Variants in RSU1 observed in about 807,000 individuals in gnomAD.
The protein encoded by RSU1 is rsu-1.
Under a neutral mutation model 31.1 loss-of-function variants are expected in RSU1, and 26 were observed. The observed-to-expected ratio is 0.84, with a 90% CI of 0.61 to 1.16. The LOEUF (loss-of-function observed/expected upper bound fraction) is 1.16, where lower values mean the gene tolerates loss of function less well. Among genes scored for constraint, RSU1 ranks in the 50% most tolerant of loss-of-function variants. RSU1 has a pLI of 0.00. For missense variants in RSU1, 320 were observed against 339.1 expected, an observed-to-expected ratio of 0.94 and a Z score of 0.44; for synonymous variants, 164 against 136.3, an observed-to-expected ratio of 1.20 and a Z score of -1.41.
intron 8 of RSU1, among the ~76,000 whole-genome samples, chr10:16,688,897 AC>A (rs1835489823): frequency 6.6e-6 from 1 of 151,986 alleles, no homozygotes; most frequent in Non-Finnish European, 1.5e-5. Flanking sequence ...AGTCCCAGGT[AC>A]TAGGGAAGCT....
At chr10:16,766,901 T>G (rs752445763) in intron 3 of RSU1, among the ~76,000 whole-genome samples, 3 of 151,312 alleles carry the variant, frequency 2.0e-5, no homozygotes, top group Middle Eastern at 3.4e-3. Context: ...GGCGCATGCC[T>G]GTAGTTCCAG....
At chr10:16,752,369 C>T (rs1836996062) in intron 7 of RSU1, 170 bp downstream of exon 7, 3 of 559,336 alleles carry the variant, frequency 5.4e-6, no homozygotes, top group South Asian at 2.0e-5. Context: ...GAAGGTCAAA[C>T]CTGTAACAGC....
intron 7 of RSU1, among the ~76,000 whole-genome samples, chr10:16,748,776 CCTTT>C (rs1836912041): frequency 6.6e-6 from 1 of 152,088 alleles, no homozygotes; most frequent in African/African-American, 2.4e-5. Flanking sequence ...CTCCCTCCTT[CCTTT>C]AAGTCTCTGC....
At chr10:16,697,201 C>T (rs781136540) in intron 7 of RSU1, among the ~76,000 whole-genome samples, 10 of 152,190 alleles carry the variant, frequency 6.6e-5, no homozygotes, top group African/African-American at 9.7e-5. Context: ...CCCTCATCAG[C>T]TGGGAATGGT....
At chr10:16,660,964 A>T (rs1834878555) in intron 8 of RSU1, among the ~76,000 whole-genome samples, 1 of 151,986 alleles carries the variant, frequency 6.6e-6, no homozygotes, top group Non-Finnish European at 1.5e-5. Flanking sequence ...CTCTCTCTTC[A>T]TTTATGTGTA....
At chr10:16,640,605 G>C (rs1834424441) in intron 8 of RSU1, among the ~76,000 whole-genome samples, 1 of 152,220 alleles carries the variant, frequency 6.6e-6, no homozygotes, top group Non-Finnish European at 1.5e-5. Flanking sequence ...TCCAAGCATA[G>C]TCAATTTCTC....
chr10:16,649,798 A>T (rs548598986), intron 8 of RSU1, among the ~76,000 whole-genome samples: 119 of 152,306 alleles, frequency 7.8e-4, no homozygotes, highest in African/African-American at 2.5e-3. Context: ...TTGAAATGAG[A>T]TTTCATAAGA....
chr10:16,714,450 C>T (rs555120981), intron 7 of RSU1, among the ~76,000 whole-genome samples: 5 of 152,256 alleles, frequency 3.3e-5, no homozygotes, highest in South Asian at 2.1e-4. Context: ...TGTCTGTATG[C>T]GGGAACGAGG....
intron 6 of RSU1, 120 bp from the exon 7 acceptor site, chr10:16,752,773 G>A (rs1442403710): frequency 9.8e-7 from 1 of 1,020,416 alleles, no homozygotes; most frequent in Non-Finnish European, 1.5e-6. Context: ...ATTTACAAGT[G>A]CCGGCGGATA....
rs549703202 is a variant in RSU1 at position 16,740,335 on chromosome 10, T to C, written c.598+12204A>G. 3.9e-5 allele frequency among the ~76,000 whole-genome samples: 6 copies of C among 152,206 alleles called. No homozygotes were observed. In the South Asian group the frequency reaches 6.2e-4, roughly 16 times the overall value. The stretch of plus-strand genomic sequence containing the variant: ...GATAAATCATTCTGCAAACAAAAAA[T>C]AGAAGGGCATTTGTAAAATCTGACA... On this transcript the variant is annotated intron_variant, in intron 7 of 8. Transcript: ENST00000345264.
At chr10:16,790,891 T>C (rs79144538) in intron 2 of RSU1, among the ~76,000 whole-genome samples, 5,009 of 152,246 alleles carry the variant, frequency 0.033, 193 homozygotes, top group East Asian at 0.082. Flanking sequence ...TTCTGAAGCC[T>C]CCCAGCCATG....
At chr10:16,659,309 T>G (rs989273427) in intron 8 of RSU1, among the ~76,000 whole-genome samples, 47 of 150,792 alleles carry the variant, frequency 3.1e-4, no homozygotes, top group Non-Finnish European at 6.5e-4. Context: ...TTCTTTTTTT[T>G]TTTTTTTTTT....
chr10:16,615,932 G>A (rs1164670761), intron 8 of RSU1, among the ~76,000 whole-genome samples: 1 of 152,068 alleles, frequency 6.6e-6, no homozygotes, highest in African/African-American at 2.4e-5. Flanking sequence ...GGAAAGATCT[G>A]AAATCAACAC....
chr10:16,697,075 T>C (rs568022997), intron 7 of RSU1, among the ~76,000 whole-genome samples: 3 of 152,252 alleles, frequency 2.0e-5, no homozygotes, highest in African/African-American at 7.2e-5. Flanking sequence ...AACAAGTCTA[T>C]TTCTGATGTG....
rs1280868607 is a variant in RSU1 at position 16,695,094 on chromosome 10, G to C, written c.660C>G (p.Thr220=). The change falls in exon 8 of 9, where the codon ACC becomes ACG. Residue 220 remains threonine, a synonymous_variant. Coordinates refer to ENST00000345264, the MANE Select transcript of RSU1 (RefSeq NM_012425.4). ...VFKAENNPWV[T]PIADQFQLGV... ...CAAGCTGGAACTGGTCTGCAATGGGGGTCACCCAGGGATTGTTCTCTGCTT... is the reference window on the plus strand; with the variant it reads ...CAAGCTGGAACTGGTCTGCAATGGGCGTCACCCAGGGATTGTTCTCTGCTT... 1 of 1,606,994 alleles carries C rather than the reference G, an allele frequency of 6.2e-7. No individual in the cohort carries two copies. The highest frequency in any genetic ancestry group is 1.3e-5 in the African/African-American group (1 of 74,288).
At chr10:16,760,904 T>G (rs1432736099) in intron 4 of RSU1, among the ~76,000 whole-genome samples, 2 of 152,152 alleles carry the variant, frequency 1.3e-5, no homozygotes, top group African/African-American at 4.8e-5. Context: ...CTATGCAAAT[T>G]TCTCAAGGGT....
intron 2 of RSU1, among the ~76,000 whole-genome samples, chr10:16,806,325 C>A (rs1048713825): frequency 2.6e-5 from 4 of 152,168 alleles, no homozygotes; most frequent in Non-Finnish European, 5.9e-5. Flanking sequence ...TTCATCTCCT[C>A]CACAGGGTAT....
chr10:16,667,201 A>G (rs1429791371), intron 8 of RSU1, among the ~76,000 whole-genome samples: 1 of 152,218 alleles, frequency 6.6e-6, no homozygotes, highest in African/African-American at 2.4e-5. Context: ...CATCTCTGGG[A>G]AGCAATATAT....
At chr10:16,807,207 C>T (rs1309881673) in intron 2 of RSU1, among the ~76,000 whole-genome samples, 1 of 152,244 alleles carries the variant, frequency 6.6e-6, no homozygotes, top group Non-Finnish European at 1.5e-5. Flanking sequence ...GGCGAAACCT[C>T]CTTGCAAGTA....
Sources: allele counts gnomAD v4.1 joint callset (sites outside exome capture counted in the v4.1 genomes callset), GRCh38; gene constraint gnomAD v4.1.1; transcripts MANE v1.5; gene names NCBI Gene and HGNC (gene_info 2026-07-23, HGNC 2026-07-21).